TUSC3: variants seen among roughly 807,000 people sequenced by gnomAD.
TUSC3 encodes dolichyl-diphosphooligosaccharide--protein glycosyltransferase subunit TUSC3.
A neutral mutation model predicts 44.8 loss-of-function variants in TUSC3; 45 were observed. The ratio of observed to expected loss-of-function variants is 1.00; its 90% CI spans 0.79 to 1.29. TUSC3 has a LOEUF of 1.29. Ranked by LOEUF, TUSC3 falls within the 50% of genes most tolerant of loss-of-function variation. TUSC3 has a pLI of 0.00. For missense variants in TUSC3, 519 were observed against 437.9 expected (o/e 1.19, Z -1.65); for synonymous variants, 212 against 152.9 (o/e 1.39, Z -2.85).
chr8:15,721,096 T>C (rs778358998), intron 6 of TUSC3, among the ~76,000 whole-genome samples: 30 of 152,126 alleles, frequency 2.0e-4, no homozygotes, highest in Non-Finnish European at 4.4e-5. Context: ...ACACATGTTA[T>C]AGACTTTGCT....
intron 2 of TUSC3, among the ~76,000 whole-genome samples, chr8:15,638,168 G>GC (rs1806178581): frequency 7.1e-6 from 1 of 141,172 alleles, no homozygotes; most frequent in South Asian, 2.5e-4. Context: ...CACCCCCGCC[G>GC]CCCCCCGTAT....
At chr8:15,770,309 C>G (rs1427760882), downstream of TUSC3, among the ~76,000 whole-genome samples, 1 of 152,052 alleles carries the variant, frequency 6.6e-6, no homozygotes, top group Non-Finnish European at 1.5e-5. Flanking sequence ...AACACAGGAA[C>G]AGAAAACCAA....
At chr8:15,584,314 C>T (rs1286721289) in intron 1 of TUSC3, among the ~76,000 whole-genome samples, 1 of 152,134 alleles carries the variant, frequency 6.6e-6, no homozygotes, top group Non-Finnish European at 1.5e-5. Flanking sequence ...TTTGTTGTTT[C>T]TTCCCCCGCT....
At chr8:15,446,837 G>T (rs538910513) in intron 1 of TUSC3, among the ~76,000 whole-genome samples, 1 of 151,442 alleles carries the variant, frequency 6.6e-6, no homozygotes, top group South Asian at 2.1e-4. Flanking sequence ...AGGAGAGGCA[G>T]AAGTTCATGT....
chr8:15,663,259 A>G (rs1585205853), intron 5 of TUSC3, among the ~76,000 whole-genome samples: 1 of 151,860 alleles, frequency 6.6e-6, no homozygotes, highest in Non-Finnish European at 1.5e-5. Flanking sequence ...AGATAAATAC[A>G]TTATATATCT....
intron 9 of TUSC3, among the ~76,000 whole-genome samples, chr8:15,752,092 G>C (rs1811731242): frequency 6.6e-6 from 1 of 152,096 alleles, no homozygotes; most frequent in Non-Finnish European, 1.5e-5. Flanking sequence ...CAAGCTAAGT[G>C]GCTGGCAGAT....
At position 15,523,692 on chromosome 8, in the gene TUSC3, G is replaced by GTATATATATA. The variant is rs1366898185; in HGVS notation, n.189+40210_189+40211insATATATATAT. On this transcript the variant is annotated intron_variant and non_coding_transcript_variant, in intron 2 of 5. Transcript: ENST00000503191. ...TGTGTGTGTGTGTGTGTGTGTGTGT[G>GTATATATATA]TGTGTGTGTGTGTGTGTATATATAT... 1.4e-3 allele frequency among the ~76,000 whole-genome samples: 69 copies of GTATATATATA among 48,322 alleles called. 2 individuals carry two copies. The highest frequency in any genetic ancestry group is 1.9e-3 in the Non-Finnish European group (45 of 23,612). The allele number at this position is 48,322 out of a possible 152,430, so 31.7% of individuals were successfully genotyped here.
chr8:15,628,239 T>A (rs942495073), intron 2 of TUSC3, among the ~76,000 whole-genome samples: 5 of 152,184 alleles, frequency 3.3e-5, no homozygotes, highest in African/African-American at 1.2e-4. Context: ...TAGAAATATT[T>A]TATTATCTAA....
At chr8:15,504,613 ATATATATATTT>A (rs1163639874) in intron 2 of TUSC3, among the ~76,000 whole-genome samples, 29 of 20,730 alleles carry the variant, frequency 1.4e-3, no homozygotes, top group African/African-American at 7.5e-3. Flanking sequence ...ATATATATAT[ATATATATATTT>A]TTTTTTTTTT....
chr8:15,848,240 C>T, the TUSC3 span, among the ~76,000 whole-genome samples: 2 of 152,190 alleles, frequency 1.3e-5, no homozygotes, highest in East Asian at 1.9e-4. Flanking sequence ...CTGTGTAGGA[C>T]AGTTCCCCAG....
At chr8:15,666,206 A>T (rs1387022849) in intron 5 of TUSC3, among the ~76,000 whole-genome samples, 2 of 151,492 alleles carry the variant, frequency 1.3e-5, no homozygotes, top group Non-Finnish European at 3.0e-5. Context: ...TGTCATTTCA[A>T]GCCAGAAAAT....
At chr8:15,805,725 C>G in the TUSC3 span, among the ~76,000 whole-genome samples, 1 of 152,042 alleles carries the variant, frequency 6.6e-6, no homozygotes, top group African/African-American at 2.4e-5. Context: ...ATTCAGTTTG[C>G]TAGGATTTTT....
intron 2 of TUSC3, among the ~76,000 whole-genome samples, chr8:15,527,340 C>A (rs992232541): frequency 1.3e-5 from 2 of 152,094 alleles, no homozygotes; most frequent in African/African-American, 2.4e-5. Context: ...CCTCCACCTC[C>A]CTAGTAGCTG....
intron 6 of TUSC3, among the ~76,000 whole-genome samples, chr8:15,689,880 A>ATATG (rs897235884): frequency 9.3e-5 from 14 of 149,992 alleles, no homozygotes; most frequent in African/African-American, 3.4e-4. Context: ...ATATATATAT[A>ATATG]TGCATGCCAC....
intron 1 of TUSC3, among the ~76,000 whole-genome samples, chr8:15,464,508 G>T (rs1225345868): frequency 6.6e-6 from 1 of 152,094 alleles, no homozygotes; most frequent in Non-Finnish European, 1.5e-5. Context: ...TCTATCTAGT[G>T]ATCTGTTTGA....
intron 2 of TUSC3, among the ~76,000 whole-genome samples, chr8:15,521,762 C>G (rs1408470379): frequency 6.6e-6 from 1 of 152,178 alleles, no homozygotes; most frequent in African/African-American, 2.4e-5. Context: ...TGTCTCAGAA[C>G]TGATACCTCC....
At chr8:15,584,944 A>G (rs1226222376) in intron 1 of TUSC3, among the ~76,000 whole-genome samples, 1 of 152,232 alleles carries the variant, frequency 6.6e-6, no homozygotes, top group Non-Finnish European at 1.5e-5. Context: ...AGACATAAAG[A>G]CATTGAACGA....
chr8:15,758,131 C>T (rs1198550814), intron 10 of TUSC3: 7 of 1,158,404 alleles, frequency 6.0e-6, no homozygotes, highest in Middle Eastern at 3.8e-4. Context: ...ACTTTCTTAA[C>T]TTCTGTTTGT....
the TUSC3 span, among the ~76,000 whole-genome samples, chr8:15,832,138 C>A: frequency 0.012 from 1,789 of 152,272 alleles, 26 homozygotes; most frequent in African/African-American, 0.04. Flanking sequence ...AGGGCCAGCA[C>A]TGAACATTCT....
Sources: allele counts gnomAD v4.1 joint callset (sites outside exome capture counted in the v4.1 genomes callset), GRCh38; gene constraint gnomAD v4.1.1; transcripts MANE v1.5; gene names NCBI Gene and HGNC (gene_info 2026-07-23, HGNC 2026-07-21).